The following VHL variants were observed in gnomAD, a reference collection of about 807,000 sequenced individuals.
The protein encoded by VHL is von Hippel-Lindau disease tumor suppressor.
VHL carries 10 observed loss-of-function variants against 19.2 expected under a neutral mutation model. The ratio of observed to expected loss-of-function variants is 0.52; its 90% CI spans 0.32 to 0.89. The LOEUF (loss-of-function observed/expected upper bound fraction) is 0.89, where lower values mean the gene tolerates loss of function less well. Among genes scored for constraint, VHL ranks in the 40% least tolerant of loss-of-function variants. VHL has a pLI of 0.03. For synonymous variants in VHL, 167 were observed against 129.5 expected (o/e 1.29, Z -1.97); for missense variants, 328 against 292.7 (o/e 1.12, Z -0.88).
At position 10,153,341 on chromosome 3, in the gene VHL, A is replaced by G. The variant is rs1343432197; in HGVS notation, c.*3376A>G. On this transcript the variant is annotated 3_prime_UTR_variant, in exon 3 of 3. Coordinates refer to ENST00000256474, the MANE Select transcript of VHL (RefSeq NM_000551.4). ...CGGTGGGCGCCTGTGAGGCAGGCGAATCTCTTGAACCCGGGAGGCGGAGGT... is the reference window on the plus strand; with the variant it reads ...CGGTGGGCGCCTGTGAGGCAGGCGAGTCTCTTGAACCCGGGAGGCGGAGGT... Among the ~76,000 whole-genome samples, 1 of 152,006 alleles carries G rather than the reference A, an allele frequency of 6.6e-6. No homozygotes were observed. Among genetic ancestry groups the G allele is most frequent in the East Asian group, 1.9e-4 (1 of 5,180 alleles).
Position 10,152,418 on chromosome 3 carries a change from G to A in VHL, c.*2453G>A, listed in dbSNP as rs1696433436. Among the ~76,000 whole-genome samples the A allele has an allele frequency of 2.7e-5, 4 of 145,912 alleles. No individual in the cohort carries two copies. In the South Asian group the frequency reaches 8.7e-4, roughly 32 times the overall value. ...AGAGTGAAGTGAATGAGACACTCCAGTTTTCCTTCTACTCCGAATTTCAAC... is the reference window on the plus strand; with the variant it reads ...AGAGTGAAGTGAATGAGACACTCCAATTTTCCTTCTACTCCGAATTTCAAC... On this transcript the variant is annotated 3_prime_UTR_variant, in exon 3 of 3. Transcript: ENST00000256474.
rs572104942 is a variant in VHL, at chr3:10,144,748, C to G, written c.341-1766C>G. Among the ~76,000 whole-genome samples, 32 of 151,924 alleles carry G rather than the reference C, an allele frequency of 2.1e-4. No individual in the cohort carries two copies. In the South Asian group the frequency reaches 6.4e-3, roughly 31 times the overall value. On this transcript the variant is annotated intron_variant, in intron 1 of 2. Transcript: ENST00000256474. ...TGTTGCCCAGGCTGAGACCTCATCT[C>G]TTTTTTATTTTTTTAAAATTTTTTA...
intron 2 of VHL, among the ~76,000 whole-genome samples, chr3:10,148,542 C>T (rs1027404895): frequency 4.0e-5 from 6 of 151,592 alleles, no homozygotes; most frequent in African/African-American, 1.5e-4. Context: ...TCTCGATCTC[C>T]TGACCTCGTG....
intron 1 of VHL, among the ~76,000 whole-genome samples, chr3:10,143,998 G>C (rs752138260): frequency 3.3e-5 from 5 of 152,260 alleles, no homozygotes; most frequent in African/African-American, 4.8e-5. Context: ...CAAGGATCCC[G>C]ATCTTTCTTC....
chr3:10,150,222 C>A lies in VHL; in HGVS notation c.*257C>A. The stretch of plus-strand genomic sequence containing the variant: ...GGAGAAGGTGGTGGCATTTTTGCTT[C>A]CTAGTAAGTCAGGACAGCTTGTATG... On this transcript the variant is annotated 3_prime_UTR_variant, in exon 3 of 3. Transcript: ENST00000256474. 7.4e-7 allele frequency: 1 copy of A among 1,353,072 alleles called. No homozygotes were observed. The highest frequency in any genetic ancestry group is 9.5e-7 in the Non-Finnish European group (1 of 1,047,488). The allele number at this position is 1,353,072 out of a possible 1,614,324, so 83.8% of individuals were successfully genotyped here.
rs774753107 is a variant in VHL at position 10,142,144 on chromosome 3, A to C, written c.297A>C (p.Pro99=). The C allele has an allele frequency of 3.8e-6, 6 of 1,599,516 alleles. No homozygotes were observed. In the South Asian group the frequency reaches 5.5e-5, roughly 15 times the overall value. The change falls in exon 1 of 3, where the codon CCA becomes CCC. Residue 99 remains proline (P), a synonymous_variant. Transcript: ENST00000256474. ...LNFDGEPQPY[P]TLPPGTGRRI... The stretch of plus-strand genomic sequence containing the variant: ...TCGACGGCGAGCCGCAGCCCTACCC[A>C]ACGCTGCCGCCTGGCACGGGCCGCC...
In VHL at chr3:10,141,924, A is replaced by C; in HGVS notation, c.77A>C (p.Glu26Ala). Reference sequence around the variant, plus strand: ...GCAGGCGTCGAAGAGTACGGCCCTGAAGAAGACGGCGGGGAGGAGTCGGGC... The same window carrying C: ...GCAGGCGTCGAAGAGTACGGCCCTGCAGAAGACGGCGGGGAGGAGTCGGGC... Reference protein sequence around the residue: ...EEAGVEEYGPEEDGGEESGAE... With the variant: ...EEAGVEEYGPAEDGGEESGAE... The change falls in exon 1 of 3, where the codon GAA becomes GCA. Residue 26 changes from glutamate to alanine, a missense_variant. By Grantham distance (107) the Glu-to-Ala change is moderately radical. Transcript: ENST00000256474. The C allele has an allele frequency of 6.5e-7, 1 of 1,539,882 alleles. No individual in the cohort carries two copies. The highest frequency in any genetic ancestry group is 8.8e-7 in the Non-Finnish European group (1 of 1,141,434).
At position 10,150,931 on chromosome 3, in the gene VHL, T is replaced by C. The variant is rs1696394437; in HGVS notation, c.*966T>C. On this transcript the variant is annotated 3_prime_UTR_variant, in exon 3 of 3. Transcript: ENST00000256474. Reference sequence around the variant, plus strand: ...TTTTTGAGATGGAGTCTCACTCTTGTCACCCAGGCTGGAGTGCAGTGGCGC... The same window carrying C: ...TTTTTGAGATGGAGTCTCACTCTTGCCACCCAGGCTGGAGTGCAGTGGCGC... 1 of 207,318 alleles carries C rather than the reference T, an allele frequency of 4.8e-6. No homozygotes were observed. Among genetic ancestry groups the C allele is most frequent in the Admixed American group, 5.9e-5 (1 of 16,880 alleles). 12.8% of individuals were successfully genotyped at this position (207,318 alleles called of 1,614,324 possible).
At chr3:10,142,225 G>T (rs1202878197) in intron 1 of VHL, 38 bp downstream of exon 1, 2 of 1,581,290 alleles carry the variant, frequency 1.3e-6, no homozygotes, top group Non-Finnish European at 1.7e-6. Context: ...CAGCAGGGAC[G>T]ATAGCACGGT....
intron 1 of VHL, among the ~76,000 whole-genome samples, chr3:10,143,255 C>G (rs536127652): frequency 3.3e-5 from 5 of 152,020 alleles, no homozygotes; most frequent in Non-Finnish European, 5.9e-5. Context: ...CTCAGCCTCC[C>G]GAGGAGCGGG....
At chr3:10,145,868 T>G (rs1326294225) in intron 1 of VHL, among the ~76,000 whole-genome samples, 2 of 152,174 alleles carry the variant, frequency 1.3e-5, no homozygotes, top group Non-Finnish European at 2.9e-5. Flanking sequence ...CTCTTTAGTT[T>G]GCAGGGTTTG....
intron 1 of VHL, among the ~76,000 whole-genome samples, chr3:10,145,797 G>A (rs960709343): frequency 1.3e-5 from 2 of 151,822 alleles, no homozygotes; most frequent in Admixed American, 1.3e-4. Context: ...GTTTTCTCTC[G>A]ACATGTTTTT....
At position 10,152,250 on chromosome 3, in the gene VHL, TC is replaced by T; in HGVS notation, c.*2287del. On this transcript the variant is annotated 3_prime_UTR_variant, in exon 3 of 3. Transcript: ENST00000256474. ...TGGGTGTGGTGGCGCATGCCTGTAA[TC>T]CTAGCTACTCAGGAGGCTGAGGCAG... 1 of 152,970 alleles carries T rather than the reference TC, an allele frequency of 6.5e-6. No homozygotes were observed. Among genetic ancestry groups the T allele is most frequent in the African/African-American group, 2.4e-5 (1 of 41,300 alleles). The allele number at this position is 152,970 out of a possible 1,614,324, so 9.5% of individuals were successfully genotyped here.
intron 1 of VHL, among the ~76,000 whole-genome samples, chr3:10,143,513 T>C (rs1257782638): frequency 6.6e-6 from 1 of 152,188 alleles, no homozygotes; most frequent in African/African-American, 2.4e-5. Flanking sequence ...TGTTGCACAA[T>C]CTTGGCTCAC....
chr3:10,145,724 A>G (rs1325916306), intron 1 of VHL, among the ~76,000 whole-genome samples: 1 of 151,938 alleles, frequency 6.6e-6, no homozygotes, highest in East Asian at 1.9e-4. Flanking sequence ...AAAAAAGAAA[A>G]AGAAAAGAAA....
intron 1 of VHL, among the ~76,000 whole-genome samples, chr3:10,143,882 G>A (rs1211273192): frequency 6.6e-6 from 1 of 152,204 alleles, no homozygotes; most frequent in East Asian, 1.9e-4. Flanking sequence ...TGAAAACCCA[G>A]GTGAGGAATA....
intron 2 of VHL, among the ~76,000 whole-genome samples, chr3:10,149,137 G>A (rs1696338774): frequency 6.8e-6 from 1 of 147,918 alleles, no homozygotes; most frequent in Admixed American, 6.8e-5. Context: ...TTTCAAGATA[G>A]GGTCTCACTC....
rs72563743 is a variant in VHL at position 10,151,171 on chromosome 3, C to T, written c.*1206C>T. The stretch of plus-strand genomic sequence containing the variant: ...GTGGGATTACAGGTGTGTGGGCCAC[C>T]GTGCCTGGCTGATTCAGCATTTTTT... On this transcript the variant is annotated 3_prime_UTR_variant, in exon 3 of 3. Transcript: ENST00000256474. 28 of 194,210 alleles carry T rather than the reference C, an allele frequency of 1.4e-4. No individual in the cohort carries two copies. The highest frequency in any genetic ancestry group is 1.1e-3 in the Admixed American group (18 of 16,430). The allele number at this position is 194,210 out of a possible 1,614,324, so 12.0% of individuals were successfully genotyped here. A position where few individuals can be genotyped will look rare whatever the true frequency, so the allele number is the denominator to read the frequency against.
intron 1 of VHL, among the ~76,000 whole-genome samples, chr3:10,145,622 C>T (rs1039354732): frequency 4.7e-5 from 7 of 149,522 alleles, no homozygotes; most frequent in South Asian, 2.1e-4. Context: ...AGGAGAATGG[C>T]ATAAACCTGG....
Sources: gnomAD v4.1 joint callset for allele counts (sites outside exome capture counted in the v4.1 genomes callset) on GRCh38, gnomAD v4.1.1 for gene constraint, MANE v1.5 for transcripts, NCBI Gene and HGNC (gene_info 2026-07-23, HGNC 2026-07-21) for gene names.